Variants in FHIT observed in about 807,000 individuals in gnomAD.
FHIT encodes bis(5'-adenosyl)-triphosphatase.
A neutral mutation model predicts 17.9 loss-of-function variants in FHIT; 19 were observed. The ratio of observed to expected loss-of-function variants is 1.06; its 90% confidence interval spans 0.74 to 1.56. The LOEUF is 1.56. Ranked by LOEUF, FHIT falls within the 40% of genes most tolerant of loss-of-function variation. The probability of loss-of-function intolerance (pLI) is 0.00; values close to 1 mark genes in which losing one functional copy is unlikely to be tolerated. For synonymous variants in FHIT, 81 were observed against 69.7 expected, an observed-to-expected ratio of 1.16 and a Z score of -0.81; for missense variants, 248 against 189.2, an observed-to-expected ratio of 1.31 and a Z score of -1.82.
At chr3:60,388,313 A>G (rs1701090900) in intron 5 of FHIT, among the ~76,000 whole-genome samples, 1 of 152,096 alleles carries the variant, frequency 6.6e-6, no homozygotes, top group South Asian at 2.1e-4. Context: ...GAGTTAACAA[A>G]CCCTAGCCAG....
intron 5 of FHIT, among the ~76,000 whole-genome samples, chr3:60,306,382 A>G (rs1028943040): frequency 1.3e-5 from 2 of 152,204 alleles, no homozygotes; most frequent in East Asian, 3.8e-4. Flanking sequence ...GTAAAAGAGA[A>G]AACAAATTTG....
chr3:60,292,183 C>T (rs573957293), intron 5 of FHIT, among the ~76,000 whole-genome samples: 52 of 152,224 alleles, frequency 3.4e-4, no homozygotes, highest in African/African-American at 1.2e-3. Context: ...ATGAGAACAC[C>T]AGCTGCAATA....
intron 5 of FHIT, among the ~76,000 whole-genome samples, chr3:60,406,498 A>ATAT (rs1701861900): frequency 6.6e-6 from 1 of 152,188 alleles, no homozygotes; most frequent in African/African-American, 2.4e-5. Context: ...AAAGAGACAC[A>ATAT]CGGCACTTCA....
intron 5 of FHIT, among the ~76,000 whole-genome samples, chr3:60,495,904 C>T (rs2034281925): frequency 6.6e-6 from 1 of 152,084 alleles, no homozygotes; most frequent in Non-Finnish European, 1.5e-5. Context: ...CAGATTCACA[C>T]ATTTATGTCA....
chr3:60,187,163 T>C (rs1042079104), intron 5 of FHIT, among the ~76,000 whole-genome samples: 1 of 152,170 alleles, frequency 6.6e-6, no homozygotes, highest in Non-Finnish European at 1.5e-5. Flanking sequence ...TGTTTACCCA[T>C]GATGGCCAGG....
chr3:59,919,338 G>A (rs1173290084), intron 8 of FHIT, among the ~76,000 whole-genome samples: 1 of 152,090 alleles, frequency 6.6e-6, no homozygotes, highest in Non-Finnish European at 1.5e-5. Context: ...TTATTATGGA[G>A]AGCTAATGAT....
intron 5 of FHIT, among the ~76,000 whole-genome samples, chr3:60,448,912 A>T (rs28583724): frequency 0.16 from 24,795 of 151,996 alleles, 2,269 homozygotes; most frequent in Admixed American, 0.27. Flanking sequence ...AGGCAATATA[A>T]ATTCCTATGG....
chr3:60,548,559 CT>C (rs2036445547), intron 4 of FHIT, among the ~76,000 whole-genome samples: 1 of 152,132 alleles, frequency 6.6e-6, no homozygotes, highest in South Asian at 2.1e-4. Context: ...ATTTCTCTCT[CT>C]TTTCTGTAGC....
At chr3:60,792,199 T>A (rs12492010) in intron 4 of FHIT, among the ~76,000 whole-genome samples, 17,689 of 152,238 alleles carry the variant, frequency 0.12, 1,377 homozygotes, top group African/African-American at 0.21. Context: ...CACCGTTTTC[T>A]CCTCTAATAG....
At chr3:60,900,533 A>T (rs1050598572) in intron 3 of FHIT, among the ~76,000 whole-genome samples, 6 of 152,158 alleles carry the variant, frequency 3.9e-5, no homozygotes, top group African/African-American at 1.4e-4. Context: ...GGTGAAGAAA[A>T]CACAATTTTA....
chr3:60,058,651 T>C (rs915116398), intron 5 of FHIT, among the ~76,000 whole-genome samples: 3 of 152,198 alleles, frequency 2.0e-5, no homozygotes, highest in Non-Finnish European at 4.4e-5. Context: ...TTTCTTAGAA[T>C]TGACTCCCAC....
intron 5 of FHIT, among the ~76,000 whole-genome samples, chr3:60,052,813 T>G (rs549935829): frequency 6.7e-6 from 1 of 148,684 alleles, no homozygotes; most frequent in African/African-American, 2.4e-5. Flanking sequence ...TATATAAGTA[T>G]ATATTACACA....
chr3:60,655,366 C>G (rs183072103), intron 4 of FHIT, among the ~76,000 whole-genome samples: 4 of 152,274 alleles, frequency 2.6e-5, no homozygotes, highest in Admixed American at 2.0e-4. Flanking sequence ...TACATTGTTA[C>G]AAGCTCTTTT....
chr3:60,473,212 C>T (rs1042752289), intron 5 of FHIT, among the ~76,000 whole-genome samples: 27 of 152,136 alleles, frequency 1.8e-4, no homozygotes, highest in Admixed American at 3.9e-4. Flanking sequence ...TATGAACCAA[C>T]GCTGAAAACT....
intron 5 of FHIT, among the ~76,000 whole-genome samples, chr3:60,135,063 A>T (rs1332929463): frequency 6.6e-6 from 1 of 152,090 alleles, no homozygotes; most frequent in Non-Finnish European, 1.5e-5. Context: ...ATGGAGGAGG[A>T]ATCTCAAATA....
intron 4 of FHIT, among the ~76,000 whole-genome samples, chr3:60,658,326 T>C (rs1326264849): frequency 6.6e-6 from 1 of 152,174 alleles, no homozygotes; most frequent in African/African-American, 2.4e-5. Flanking sequence ...ATTTTGCTAT[T>C]GATTTTCTAC....
intron 5 of FHIT, among the ~76,000 whole-genome samples, chr3:60,419,284 C>T (rs544070791): frequency 2.0e-5 from 3 of 152,290 alleles, no homozygotes; most frequent in Admixed American, 1.3e-4. Context: ...TAGCAAGTGT[C>T]GTCAACACTC....
At chr3:60,549,566 T>A (rs1253294232) in intron 4 of FHIT, among the ~76,000 whole-genome samples, 1 of 152,198 alleles carries the variant, frequency 6.6e-6, no homozygotes, top group East Asian at 1.9e-4. Context: ...TAGCCAATAG[T>A]TGATATCCAA....
At chr3:61,079,550 T>C (rs1331819814) in intron 2 of FHIT, among the ~76,000 whole-genome samples, 1 of 152,170 alleles carries the variant, frequency 6.6e-6, no homozygotes, top group African/African-American at 2.4e-5. Flanking sequence ...CCAAAAAATA[T>C]GCAAAATCTT....
Sources: allele counts gnomAD v4.1 joint callset (sites outside exome capture counted in the v4.1 genomes callset), GRCh38; gene constraint gnomAD v4.1.1; transcripts MANE v1.5; gene names NCBI Gene and HGNC (gene_info 2026-07-23, HGNC 2026-07-21).